The following LRRC39 variants were observed in gnomAD, a reference collection of about 807,000 sequenced individuals.
The protein encoded by LRRC39 is leucine-rich repeat-containing protein 39.
Under a neutral mutation model 39.7 loss-of-function variants are expected in LRRC39, and 35 were observed. The observed-to-expected ratio is 0.88, with a 90% CI of 0.67 to 1.17. The LOEUF (loss-of-function observed/expected upper bound fraction) is 1.17. Among genes scored for constraint, LRRC39 ranks in the 50% most tolerant of loss-of-function variants. The pLI, the probability that LRRC39 is intolerant of heterozygous loss-of-function variation, is 0.00. For missense variants in LRRC39, 357 were observed against 385.8 expected, an observed-to-expected ratio of 0.93 and a Z score of 0.62; for synonymous variants, 113 against 134.1, an observed-to-expected ratio of 0.84 and a Z score of 1.09.
At chr1:100,178,446 C>A (rs986949557), upstream of LRRC39, among the ~76,000 whole-genome samples, 1 of 152,100 alleles carries the variant, frequency 6.6e-6, no homozygotes, top group Non-Finnish European at 1.5e-5. Context: ...ATTCAAAGTC[C>A]TTCTACTTTT....
intron 2 of LRRC39, among the ~76,000 whole-genome samples, chr1:100,172,382 C>A (rs1659673613): frequency 6.6e-6 from 1 of 152,124 alleles, no homozygotes; most frequent in African/African-American, 2.4e-5. Context: ...CCATATCTGG[C>A]AATATAGGAA....
intron 1 of LRRC39, 68 bp downstream of exon 1, chr1:100,178,067 A>G (rs910098549): frequency 3.9e-5 from 6 of 152,230 alleles, no homozygotes; most frequent in African/African-American, 1.4e-4. Context: ...ATCAGCAGCA[A>G]TCTATTTACA....
upstream of LRRC39, chr1:100,178,422 G>A (rs1570785790): frequency 1.3e-5 from 2 of 152,288 alleles, no homozygotes; most frequent in South Asian, 4.1e-4. Flanking sequence ...CTAAGATCTT[G>A]AAAAATAATG....
At chr1:100,171,261 A>G (rs1249616565) in intron 2 of LRRC39, among the ~76,000 whole-genome samples, 1 of 152,180 alleles carries the variant, frequency 6.6e-6, no homozygotes, top group Admixed American at 6.5e-5. Context: ...TGATAAATAA[A>G]GAACTATATC....
At chr1:100,152,287 A>C in intron 9 of LRRC39, 98 bp downstream of exon 9, 2 of 1,208,766 alleles carry the variant, frequency 1.7e-6, no homozygotes, top group Non-Finnish European at 2.2e-6. Context: ...AGATGGAATG[A>C]GAAATATATA....
chr1:100,151,208 C>T (rs1160299537), intron 9 of LRRC39, among the ~76,000 whole-genome samples: 3 of 151,814 alleles, frequency 2.0e-5, no homozygotes, highest in Non-Finnish European at 4.4e-5. Flanking sequence ...TTCGCCAACC[C>T]ATCTTCTGTA....
intron 4 of LRRC39, among the ~76,000 whole-genome samples, chr1:100,160,064 AG>A (rs1658755206): frequency 6.6e-6 from 1 of 152,238 alleles, no homozygotes; most frequent in South Asian, 2.1e-4. Flanking sequence ...TTTGTGTGTA[AG>A]GGGAAGAAAG....
rs1658347545 is a variant in LRRC39, at chr1:100,154,952, TAAC to T, written c.812+96_812+98del. ...TTTTTAAGATATCCATTCACATAAA[TAAC>T]AACTGAAATTTATTAATAACAATCT... On this transcript the variant is annotated intron_variant, in intron 8 of 9. Coordinates refer to ENST00000370137, the MANE Select transcript of LRRC39 (RefSeq NM_144620.4). The T allele has an allele frequency of 6.0e-5, 69 of 1,153,884 alleles. No individual in the cohort carries two copies. The South Asian group carries it at 1.1e-3, about 18-fold the overall frequency. The allele number at this position is 1,153,884 out of a possible 1,614,324, so 71.5% of individuals were successfully genotyped here.
chr1:100,174,342 G>C (rs1659827646), intron 1 of LRRC39, among the ~76,000 whole-genome samples: 1 of 151,834 alleles, frequency 6.6e-6, no homozygotes, highest in Non-Finnish European at 1.5e-5. Flanking sequence ...CTGTTGCCCA[G>C]GCTGGAGAGC....
At position 100,168,488 on chromosome 1, in the gene LRRC39, G is replaced by A. The variant is rs1305993968; in HGVS notation, c.29C>T (p.Ala10Val). The A allele has an allele frequency of 1.7e-5, 28 of 1,611,690 alleles. No individual in the cohort carries two copies. Among genetic ancestry groups the A allele is most frequent in the Non-Finnish European group, 2.4e-5 (28 of 1,179,386 alleles). Residue 10 changes from alanine to valine, a missense_variant, in exon 3 of 10, where the codon GCT becomes GTT. Transcript: ENST00000370137. Reference sequence around the variant, plus strand: ...CCAAACTTCCTTTACAGCATTGACAGCCCCAGTACAAACCACATTTTCTGT... The same window carrying A: ...CCAAACTTCCTTTACAGCATTGACAACCCCAGTACAAACCACATTTTCTGT... MTENVVCTG[A>V]VNAVKEVWEK... is the part of the protein sequence containing the mutation.
intron 2 of LRRC39, among the ~76,000 whole-genome samples, chr1:100,172,085 A>G (rs1659654358): frequency 6.6e-6 from 1 of 152,220 alleles, no homozygotes; most frequent in Non-Finnish European, 1.5e-5. Context: ...AAATGACACA[A>G]TAGAATACAA....
chr1:100,173,527 G>A (rs1659765962), intron 1 of LRRC39, among the ~76,000 whole-genome samples, 157 bp from the exon 2 acceptor site: 1 of 152,138 alleles, frequency 6.6e-6, no homozygotes, highest in South Asian at 2.1e-4. Context: ...AATCATACTT[G>A]ATAGTGTAAC....
At chr1:100,160,384 A>C in intron 4 of LRRC39, 82 bp downstream of exon 4, 1 of 996,080 alleles carries the variant, frequency 1.0e-6, no homozygotes, top group Non-Finnish European at 1.5e-6. Context: ...TTCTAGTCTT[A>C]ATTACACAGT....
intron 2 of LRRC39, among the ~76,000 whole-genome samples, chr1:100,172,610 C>G (rs1472899913): frequency 1.3e-5 from 2 of 151,278 alleles, no homozygotes; most frequent in African/African-American, 4.9e-5. Context: ...ATTGCATGAA[C>G]TCAGGAGTTC....
At chr1:100,169,628 GTATCT>G (rs925894880) in intron 2 of LRRC39, among the ~76,000 whole-genome samples, 1 of 151,878 alleles carries the variant, frequency 6.6e-6, no homozygotes, top group African/African-American at 2.4e-5. Context: ...GAAAAGAAAG[GTATCT>G]TATATATTCA....
At chr1:100,159,221 G>A (rs760539075) in intron 5 of LRRC39, 38 bp downstream of exon 5, 2 of 1,532,348 alleles carry the variant, frequency 1.3e-6, no homozygotes, top group Non-Finnish European at 1.8e-6. Flanking sequence ...ATCTGCAGGT[G>A]GATAAAATAG....
chr1:100,152,445 G>T lies in LRRC39; in HGVS notation c.892C>A (p.Arg298=). Residue 298 remains arginine (R), a synonymous_variant, in exon 9 of 10, where the codon CGG becomes AGG. Coordinates refer to ENST00000370137, the MANE Select transcript of LRRC39 (RefSeq NM_144620.4). ...ATAAACTGAAGGCCAAATAATTCCC[G>T]TTCCTCTTCTTCATCTGTGCCTTCA... is the stretch of plus-strand genomic sequence containing the variant. The part of the protein sequence containing the change: ...PSEGTDEEEE[R]ELFGLQFMHT... 6.2e-7 allele frequency: 1 copy of T among 1,613,122 alleles called. No homozygotes were observed.
chr1:100,149,943 C>T (rs957814143), intron 9 of LRRC39: 2 of 152,410 alleles, frequency 1.3e-5, no homozygotes, highest in Non-Finnish European at 2.9e-5. Flanking sequence ...AATAAGAAGC[C>T]TAACCAATTT....
intron 9 of LRRC39, 118 bp from the exon 10 acceptor site, chr1:100,149,215 G>C: frequency 2.7e-6 from 4 of 1,491,068 alleles, no homozygotes; most frequent in Non-Finnish European, 3.6e-6. Context: ...TCAAGAGGTA[G>C]TGATTGATTG....
Sources: gnomAD v4.1 joint callset for allele counts (sites outside exome capture counted in the v4.1 genomes callset) on GRCh38, gnomAD v4.1.1 for gene constraint, MANE v1.5 for transcripts, NCBI Gene and HGNC (gene_info 2026-07-23, HGNC 2026-07-21) for gene names.